The following CC2D2B variants were observed in gnomAD, a reference collection of about 807,000 sequenced individuals.
CC2D2B encodes protein CC2D2B.
A neutral mutation model predicts 161.2 loss-of-function variants in CC2D2B; 128 were observed. That is an observed-to-expected ratio of 0.79 (90% CI 0.69 to 0.92). The LOEUF (loss-of-function observed/expected upper bound fraction) is 0.92. CC2D2B is among the 40% of genes least tolerant of loss of function. The pLI is 0.00. For synonymous variants in CC2D2B, 391 were observed against 449.8 expected (o/e 0.87, Z 1.65); for missense variants, 1,173 against 1,375.1 (o/e 0.85, Z 2.32).
At chr10:95,964,278 A>G (rs1438611435) in intron 12 of CC2D2B, among the ~76,000 whole-genome samples, 1 of 152,174 alleles carries the variant, frequency 6.6e-6, no homozygotes, top group East Asian at 1.9e-4. Flanking sequence ...AAATCTGGGT[A>G]TAACACCTAT....
chr10:96,007,740 T>C (rs2078813281), intron 25 of CC2D2B, among the ~76,000 whole-genome samples: 1 of 152,136 alleles, frequency 6.6e-6, no homozygotes, highest in Non-Finnish European at 1.5e-5. Flanking sequence ...TTTCTTTCAC[T>C]TTCCCTAGAT....
rs144557393 is a variant in CC2D2B, at chr10:95,986,530, T to C, written c.2287-1720T>C. On this transcript the variant is annotated intron_variant, in intron 19 of 34. Coordinates refer to ENST00000646931, the MANE Select transcript of CC2D2B (RefSeq NM_001349008.3). ...TGAAAAGCAAAACTTGAAATGGGCA[T>C]TTCAATTTTGGGATACAAAGGTATT... Among the ~76,000 whole-genome samples, 523 of 151,878 alleles carry C rather than the reference T, an allele frequency of 3.4e-3. 1 individual carries two copies. The highest frequency in any genetic ancestry group is 0.011 in the African/African-American group (466 of 41,432).
At chr10:95,975,128 T>C (rs2077268614) in intron 17 of CC2D2B, among the ~76,000 whole-genome samples, 1 of 152,238 alleles carries the variant, frequency 6.6e-6, no homozygotes, top group Non-Finnish European at 1.5e-5. Flanking sequence ...CTGTGCCTTT[T>C]GTTCAATTTT....
chr10:96,009,794 G>A (rs557124567), intron 25 of CC2D2B, 31 bp from the exon 26 acceptor site: 1 of 1,008,464 alleles, frequency 9.9e-7, no homozygotes, highest in South Asian at 1.8e-5. Context: ...ATGATATTAA[G>A]TAAGTAATAA....
intron 25 of CC2D2B, among the ~76,000 whole-genome samples, chr10:96,007,752 C>G (rs897513591): frequency 6.6e-6 from 1 of 152,052 alleles, no homozygotes; most frequent in Non-Finnish European, 1.5e-5. Flanking sequence ...TCCCTAGATT[C>G]TCTGGCCTTT....
intron 18 of CC2D2B, among the ~76,000 whole-genome samples, chr10:95,982,937 A>G (rs1014323987): frequency 1.3e-5 from 2 of 151,056 alleles, no homozygotes; most frequent in East Asian, 3.9e-4. Flanking sequence ...GCGCCCAGCT[A>G]ATTTTTGTAT....
At chr10:95,942,088 T>G (rs919848609) in intron 9 of CC2D2B, among the ~76,000 whole-genome samples, 1 of 152,166 alleles carries the variant, frequency 6.6e-6, no homozygotes, top group Non-Finnish European at 1.5e-5. Context: ...TTCTGCATGA[T>G]TCTGCTTATA....
intron 6 of CC2D2B, among the ~76,000 whole-genome samples, chr10:95,933,206 C>G (rs1260071054): frequency 6.6e-6 from 1 of 151,858 alleles, no homozygotes; most frequent in African/African-American, 2.4e-5. Context: ...TCACGAAGTT[C>G]TCGTGCTGTG....
chr10:95,998,310 G>A (rs2078312562), intron 24 of CC2D2B, among the ~76,000 whole-genome samples: 2 of 152,018 alleles, frequency 1.3e-5, no homozygotes, highest in Non-Finnish European at 2.9e-5. Flanking sequence ...TTTACTCTTG[G>A]TGTTGTACAT....
chr10:96,005,563 A>G (rs2078709305), intron 25 of CC2D2B, among the ~76,000 whole-genome samples: 1 of 151,800 alleles, frequency 6.6e-6, no homozygotes, highest in South Asian at 2.1e-4. Context: ...GAAATGTTTC[A>G]TTTTTCCTCT....
intron 9 of CC2D2B, among the ~76,000 whole-genome samples, chr10:95,944,378 A>G (rs957738096): frequency 2.0e-5 from 3 of 152,188 alleles, no homozygotes; most frequent in Non-Finnish European, 4.4e-5. Context: ...GCTTACTATA[A>G]AAGAATCTAT....
chr10:96,031,487 C>T (rs1286667062), intron 34 of CC2D2B, among the ~76,000 whole-genome samples: 2 of 152,070 alleles, frequency 1.3e-5, no homozygotes, highest in Non-Finnish European at 2.9e-5. Context: ...CTTAAATCCC[C>T]CATATGTAGA....
At chr10:95,994,897 A>G (rs1396491206) in intron 22 of CC2D2B, among the ~76,000 whole-genome samples, 2 of 152,356 alleles carry the variant, frequency 1.3e-5, no homozygotes, top group African/African-American at 4.8e-5. Context: ...TTTCCTTATT[A>G]CACTGCAACA....
intron 19 of CC2D2B, chr10:95,984,794 C>T (rs2077654956): frequency 1.3e-5 from 2 of 151,932 alleles, no homozygotes; most frequent in Admixed American, 1.3e-4. Flanking sequence ...GGGAGGATCA[C>T]TTGAGGTCAA....
Position 95,987,358 on chromosome 10 carries a change from G to T in CC2D2B, c.2287-892G>T, listed in dbSNP as rs180801599. Among the ~76,000 whole-genome samples the T allele has an allele frequency of 2.3e-4, 35 of 152,116 alleles. 1 individual carries two copies. The highest frequency in any genetic ancestry group is 1.7e-3 in the Admixed American group (26 of 15,278). On this transcript the variant is annotated intron_variant, in intron 19 of 34. Transcript: ENST00000646931. The stretch of plus-strand genomic sequence containing the variant: ...AATGTAAATAACGTGATATGAAATG[G>T]CAATATAATATTTTGTTAAATAAAA...
At chr10:95,929,918 C>T (rs2098546752) in intron 6 of CC2D2B, among the ~76,000 whole-genome samples, 1 of 152,026 alleles carries the variant, frequency 6.6e-6, no homozygotes, top group African/African-American at 2.4e-5. Flanking sequence ...GTATTTTTTT[C>T]TAATTCTGTG....
At chr10:95,915,842 G>A (rs115618901) in intron 2 of CC2D2B, among the ~76,000 whole-genome samples, 308 of 152,236 alleles carry the variant, frequency 2.0e-3, no homozygotes, top group African/African-American at 7.3e-3. Flanking sequence ...ATGTTCATCA[G>A]ATACATTGGC....
At chr10:95,923,305 C>G (rs2098531556) in intron 3 of CC2D2B, among the ~76,000 whole-genome samples, 1 of 152,146 alleles carries the variant, frequency 6.6e-6, no homozygotes, top group African/African-American at 2.4e-5. Flanking sequence ...AAGCTGGTCT[C>G]AAACTCCTGG....
At chr10:96,025,154 A>ATATATAT (rs1554853730) in intron 33 of CC2D2B, among the ~76,000 whole-genome samples, 12 of 20,080 alleles carry the variant, frequency 6.0e-4, no homozygotes, top group Non-Finnish European at 5.4e-4. Context: ...ACTAAAAAAA[A>ATATATAT]ATATATATAT....
Sources: allele counts gnomAD v4.1 joint callset (sites outside exome capture counted in the v4.1 genomes callset), GRCh38; gene constraint gnomAD v4.1.1; transcripts MANE v1.5; gene names NCBI Gene and HGNC (gene_info 2026-07-23, HGNC 2026-07-21).